Variants in MAP2 observed in about 807,000 individuals in gnomAD.
MAP2 encodes the protein microtubule associated protein 2, also known as microtubule-associated protein 2.
Under a neutral mutation model 137.6 loss-of-function variants are expected in MAP2, and 14 were observed. That is an observed-to-expected ratio of 0.10 (90% CI 0.07 to 0.16). MAP2 has a LOEUF of 0.16. Among genes scored for constraint, MAP2 ranks in the 10% least tolerant of loss-of-function variants. MAP2 has a pLI of 1.00. For missense variants in MAP2, 2,088 were observed against 2,191.5 expected, an observed-to-expected ratio of 0.95 and a Z score of 0.94; for synonymous variants, 786 against 782.3, an observed-to-expected ratio of 1.00 and a Z score of -0.08.
At position 209,451,722 on chromosome 2, in the gene MAP2, T is replaced by C. The variant is rs1337731375; in HGVS notation, c.-222+27446T>C. Among the ~76,000 whole-genome samples, 4 of 152,336 alleles carry C rather than the reference T, an allele frequency of 2.6e-5. 1 individual carries two copies. The Middle Eastern group carries it at 0.01, about 389-fold the overall frequency. The stretch of plus-strand genomic sequence containing the variant: ...TAATGCAGACATTCAGCAAACTTGC[T>C]GCTGGGTGTATGTAGGCACAGCTGT... On this transcript the variant is annotated intron_variant, in intron 1 of 15. Coordinates refer to ENST00000682079, the MANE Select transcript of MAP2 (RefSeq NM_001375505.1).
At chr2:209,537,027 A>T (rs1210401487) in intron 2 of MAP2, among the ~76,000 whole-genome samples, 1 of 152,054 alleles carries the variant, frequency 6.6e-6, no homozygotes, top group Non-Finnish European at 1.5e-5. Context: ...AGGCATACCT[A>T]ATTTTGTTGT....
At chr2:209,568,902 TG>T (rs1559331268) in intron 2 of MAP2, among the ~76,000 whole-genome samples, 8 of 151,838 alleles carry the variant, frequency 5.3e-5, no homozygotes. Context: ...TTTTCCTTCA[TG>T]GTTTGCCCAT....
intron 2 of MAP2, among the ~76,000 whole-genome samples, chr2:209,555,011 C>T (rs971919070): frequency 2.7e-5 from 4 of 149,914 alleles, no homozygotes; most frequent in African/African-American, 9.8e-5. Flanking sequence ...TTTAAAGTGT[C>T]AGAATTTTAG....
chr2:209,669,999 C>T (rs1259951942), intron 5 of MAP2, among the ~76,000 whole-genome samples: 1 of 151,936 alleles, frequency 6.6e-6, no homozygotes, highest in East Asian at 1.9e-4. Context: ...GAATATAATC[C>T]AATTTCCCCA....
chr2:209,714,546 A>G (rs759941337), intron 13 of MAP2, among the ~76,000 whole-genome samples: 4 of 152,216 alleles, frequency 2.6e-5, no homozygotes, highest in African/African-American at 7.2e-5. Context: ...TGCTTTCCCA[A>G]TCAGCATTGG....
chr2:209,658,633 A>C (rs2042004715), intron 5 of MAP2, among the ~76,000 whole-genome samples: 1 of 151,860 alleles, frequency 6.6e-6, no homozygotes, highest in South Asian at 2.1e-4. Flanking sequence ...CAGCCTCCAG[A>C]GTAGCTGAGA....
intron 6 of MAP2, among the ~76,000 whole-genome samples, chr2:209,680,285 C>A (rs1457419693): frequency 6.6e-6 from 1 of 152,072 alleles, no homozygotes; most frequent in African/African-American, 2.4e-5. Flanking sequence ...CCTAAAATAA[C>A]TATTAGTGAT....
At chr2:209,610,822 C>G (rs1286933719) in intron 3 of MAP2, among the ~76,000 whole-genome samples, 1 of 152,148 alleles carries the variant, frequency 6.6e-6, no homozygotes, top group Non-Finnish European at 1.5e-5. Flanking sequence ...TTCCAATTAG[C>G]TAATGCCTAA....
chr2:209,538,810 G>A (rs2066416699), intron 2 of MAP2, among the ~76,000 whole-genome samples: 1 of 152,016 alleles, frequency 6.6e-6, no homozygotes, highest in Non-Finnish European at 1.5e-5. Flanking sequence ...ATACCCTAAA[G>A]TTTGTTCAAT....
chr2:209,509,504 T>C (rs1198315161), intron 2 of MAP2, among the ~76,000 whole-genome samples: 3 of 152,122 alleles, frequency 2.0e-5, no homozygotes, highest in South Asian at 2.1e-4. Flanking sequence ...TTCCCTTCTA[T>C]CTGGAAATGA....
chr2:209,549,300 A>G (rs927950342), intron 2 of MAP2, among the ~76,000 whole-genome samples: 3 of 152,166 alleles, frequency 2.0e-5, no homozygotes, highest in African/African-American at 7.2e-5. Flanking sequence ...TCTTTCACAG[A>G]TGAGAAAACC....
chr2:209,559,429 T>C (rs2071452778), intron 2 of MAP2, among the ~76,000 whole-genome samples: 1 of 133,926 alleles, frequency 7.5e-6, no homozygotes, highest in Admixed American at 7.8e-5. Flanking sequence ...AGGTCAGGAG[T>C]TCAAGACCAG....
In MAP2 at chr2:209,593,634, AATATATAT is replaced by A. The variant is rs58330460; in HGVS notation, c.-107+13567_-107+13574del. Among the ~76,000 whole-genome samples the A allele has an allele frequency of 4.6e-3, 154 of 33,556 alleles. 6 individuals carry two copies. The highest frequency in any genetic ancestry group is 0.012 in the African/African-American group (97 of 7,896). 22.0% of individuals were successfully genotyped at this position (33,556 alleles called of 152,430 possible). A position where few individuals can be genotyped will look rare whatever the true frequency, so the allele number is the denominator to read the frequency against. On this transcript the variant is annotated intron_variant, in intron 3 of 15. Transcript: ENST00000682079. ...CCTGTCTCTACAAAAAAAAAAAAAA[AATATATAT>A]ATATATATATATATATATATATATA...
In MAP2 at chr2:209,653,285, G is replaced by A. The variant is rs1013060670; in HGVS notation, c.115G>A (p.Glu39Lys). 3 of 1,614,140 alleles carry A rather than the reference G, an allele frequency of 1.9e-6. No individual in the cohort carries two copies. The highest frequency in any genetic ancestry group is 2.5e-6 in the Non-Finnish European group (3 of 1,180,008). Residue 39 changes from glutamate (E) to lysine (K), a missense_variant, in exon 5 of 16, where the codon GAA (glutamate) becomes AAA (lysine). Coordinates refer to ENST00000682079, the MANE Select transcript of MAP2 (RefSeq NM_001375505.1). ...GATTAAGGATCAAGGCGGAGCAGGG[G>A]AAGGACTTGTCCGAAGCGCCAATGG... is the stretch of plus-strand genomic sequence containing the variant. ...PEIKDQGGAGEGLVRSANGFP... is the reference protein window; with the variant it reads ...PEIKDQGGAGKGLVRSANGFP...
chr2:209,537,251 C>T (rs912346388), intron 2 of MAP2, among the ~76,000 whole-genome samples: 2 of 152,072 alleles, frequency 1.3e-5, no homozygotes, highest in African/African-American at 4.8e-5. Flanking sequence ...GATCTGTGAT[C>T]AGTGATCTTT....
Position 209,543,907 on chromosome 2 carries a change from G to T in MAP2, c.-171-36129G>T, listed in dbSNP as rs139951130. Among the ~76,000 whole-genome samples, 606 of 152,070 alleles carry T rather than the reference G, an allele frequency of 4.0e-3. 4 individuals are homozygous for T. The highest frequency in any genetic ancestry group is 0.01 in the Middle Eastern group (3 of 294). On this transcript the variant is annotated intron_variant, in intron 2 of 15. Transcript: ENST00000682079. Reference sequence around the variant, plus strand: ...GATGTCTGTCTCTCTAAAAGTTTTCGTTCTAAATGTTTGTATCTTTTTTTA... The same window carrying T: ...GATGTCTGTCTCTCTAAAAGTTTTCTTTCTAAATGTTTGTATCTTTTTTTA...
chr2:209,450,393 A>C (rs1327847608), intron 1 of MAP2, among the ~76,000 whole-genome samples: 1 of 152,238 alleles, frequency 6.6e-6, no homozygotes, highest in Non-Finnish European at 1.5e-5. Context: ...GCTTGGCCTC[A>C]GTAACAAGTG....
chr2:209,647,963 C>T (rs960787089), intron 4 of MAP2, among the ~76,000 whole-genome samples: 2 of 151,838 alleles, frequency 1.3e-5, no homozygotes, highest in African/African-American at 4.8e-5. Context: ...TCTGGTGGCA[C>T]AATATTTTTT....
Position 209,648,784 on chromosome 2 carries a change from G to A in MAP2, c.-29-4358G>A, listed in dbSNP as rs779970184. Among the ~76,000 whole-genome samples, 54 of 130,896 alleles carry A rather than the reference G, an allele frequency of 4.1e-4. No individual in the cohort carries two copies. In the South Asian group the frequency reaches 6.2e-3, roughly 15 times the overall value. The allele number at this position is 130,896 out of a possible 152,430, so 85.9% of individuals were successfully genotyped here. A position where few individuals can be genotyped will look rare whatever the true frequency, so the allele number is the denominator to read the frequency against. ...AGCCTGGGTGACGGAGCAAGACTCC[G>A]TCTCAAAAAAAAAAAAAAAGAAAGA... On this transcript the variant is annotated intron_variant, in intron 4 of 15. Coordinates refer to ENST00000682079, the MANE Select transcript of MAP2 (RefSeq NM_001375505.1).
Sources: gnomAD v4.1 joint callset for allele counts (sites outside exome capture counted in the v4.1 genomes callset) on GRCh38, gnomAD v4.1.1 for gene constraint, MANE v1.5 for transcripts, NCBI Gene and HGNC (gene_info 2026-07-23, HGNC 2026-07-21) for gene names.